The following MARCHF3 variants were observed in gnomAD, a reference collection of about 807,000 sequenced individuals.
MARCHF3 encodes membrane associated ring-CH-type finger 3, also known as E3 ubiquitin-protein ligase MARCHF3.
A neutral mutation model predicts 24.2 loss-of-function variants in MARCHF3; 13 were observed. The ratio of observed to expected loss-of-function variants is 0.54; its 90% CI spans 0.35 to 0.85. The LOEUF is 0.85. MARCHF3 is among the 40% of genes least tolerant of loss of function. The pLI is 0.01. For synonymous variants in MARCHF3, 144 were observed against 137.3 expected, an observed-to-expected ratio of 1.05 and a Z score of -0.34; for missense variants, 276 against 325.0, an observed-to-expected ratio of 0.85 and a Z score of 1.16.
chr5:126,936,181 C>T (rs1247361845), intron 1 of MARCHF3, among the ~76,000 whole-genome samples: 1 of 152,168 alleles, frequency 6.6e-6, no homozygotes, highest in African/African-American at 2.4e-5. Flanking sequence ...TATCAATAAC[C>T]TTAAGATGGC....
intron 1 of MARCHF3, among the ~76,000 whole-genome samples, chr5:127,002,744 TGGATGGC>T (rs1167635232): frequency 6.6e-6 from 1 of 152,230 alleles, no homozygotes; most frequent in Admixed American, 6.5e-5. Flanking sequence ...GTTCAGAAAG[TGGATGGC>T]CATTAGCATC....
rs932346875 is a variant in MARCHF3, at chr5:126,979,014, C to T, written c.-57+51336G>A. Among the ~76,000 whole-genome samples, 3 of 152,286 alleles carry T rather than the reference C, an allele frequency of 2.0e-5. No individual in the cohort carries two copies. The East Asian group carries it at 5.8e-4, about 29-fold the overall frequency. ...CTAAGAAAAATCCTATTATTGAAAA[C>T]TTTTGTTACCTCTATCATATTTAGA... On this transcript the variant is annotated intron_variant, in intron 1 of 4. Coordinates refer to ENST00000308660, the MANE Select transcript of MARCHF3 (RefSeq NM_178450.5).
At chr5:126,966,368 A>G (rs1372093479) in intron 1 of MARCHF3, among the ~76,000 whole-genome samples, 1 of 152,198 alleles carries the variant, frequency 6.6e-6, no homozygotes, top group Non-Finnish European at 1.5e-5. Flanking sequence ...TTTAAAAAAT[A>G]TAAGATTAGA....
At chr5:126,910,888 T>C (rs1754497353) in intron 3 of MARCHF3, among the ~76,000 whole-genome samples, 1 of 152,180 alleles carries the variant, frequency 6.6e-6, no homozygotes, top group Non-Finnish European at 1.5e-5. Context: ...ATGGGAGAAA[T>C]ATCGCTGAAT....
chr5:127,029,312 T>A (rs1753099403), intron 1 of MARCHF3, among the ~76,000 whole-genome samples: 1 of 152,258 alleles, frequency 6.6e-6, no homozygotes, highest in African/African-American at 2.4e-5. Context: ...CATTTTCATG[T>A]ATTTTCAAAG....
chr5:126,988,817 T>C (rs1470824328), intron 1 of MARCHF3, among the ~76,000 whole-genome samples: 1 of 152,196 alleles, frequency 6.6e-6, no homozygotes, highest in Admixed American at 6.5e-5. Flanking sequence ...AGACATGTTG[T>C]CCTTGGAAGG....
At chr5:126,960,333 T>C (rs1169322271) in intron 1 of MARCHF3, among the ~76,000 whole-genome samples, 2 of 152,178 alleles carry the variant, frequency 1.3e-5, no homozygotes, top group Admixed American at 1.3e-4. Flanking sequence ...GAGTTCAGGC[T>C]GTATAAATCA....
At chr5:126,995,278 T>C (rs1023259816) in intron 1 of MARCHF3, among the ~76,000 whole-genome samples, 2 of 152,208 alleles carry the variant, frequency 1.3e-5, no homozygotes, top group African/African-American at 4.8e-5. Flanking sequence ...CGTAAATCAA[T>C]TGAGCCAATG....
At chr5:126,894,674 C>T (rs1173349380) in intron 3 of MARCHF3, among the ~76,000 whole-genome samples, 1 of 152,022 alleles carries the variant, frequency 6.6e-6, no homozygotes, top group South Asian at 2.1e-4. Context: ...GTCTGATGGG[C>T]TTCCCTTTGA....
intron 1 of MARCHF3, among the ~76,000 whole-genome samples, chr5:126,951,116 C>T (rs60244211): frequency 0.016 from 2,402 of 152,308 alleles, 65 homozygotes; most frequent in South Asian, 0.11. Flanking sequence ...ATCCAACAGT[C>T]CTCATCTTAC....
rs2126761246 is a variant in MARCHF3, at chr5:126,869,013, C to G, written c.*1620G>C. ...TGGGGAGGAAATCTATTGTCACAAG[C>G]CATAAAGCACATCTGAGTTTTGCAG... On this transcript the variant is annotated 3_prime_UTR_variant, in exon 5 of 5. Transcript: ENST00000308660. The G allele has an allele frequency of 6.6e-6, 1 of 152,290 alleles. No individual in the cohort carries two copies. The highest frequency in any genetic ancestry group is 3.4e-3 in the Middle Eastern group (1 of 294). 9.4% of individuals were successfully genotyped at this position (152,290 alleles called of 1,614,324 possible). A position where few individuals can be genotyped will look rare whatever the true frequency, so the allele number is the denominator to read the frequency against.
chr5:126,874,666 T>G (rs1233545927), intron 4 of MARCHF3, among the ~76,000 whole-genome samples: 1 of 151,776 alleles, frequency 6.6e-6, no homozygotes, highest in Non-Finnish European at 1.5e-5. Flanking sequence ...TCTCTGGAAG[T>G]GGTGTGACTT....
At chr5:126,885,718 G>C (rs1048984535) in intron 3 of MARCHF3, among the ~76,000 whole-genome samples, 2 of 152,094 alleles carry the variant, frequency 1.3e-5, no homozygotes, top group Non-Finnish European at 2.9e-5. Flanking sequence ...AACTTTGTTG[G>C]CATATAAACA....
chr5:126,929,187 A>G (rs1464899468), intron 1 of MARCHF3, among the ~76,000 whole-genome samples: 8 of 152,052 alleles, frequency 5.3e-5, no homozygotes, highest in Admixed American at 5.2e-4. Context: ...CCTAATCTCC[A>G]TTTTTTAAAT....
rs567309880 is a variant in MARCHF3 at position 126,915,822 on chromosome 5, C to A, written c.189-688G>T. Reference sequence around the variant, plus strand: ...ACCACTCCTACACATTTCATAAAGGCAGCTTAGTGTAGTTAGGGGTTCATA... The same window carrying A: ...ACCACTCCTACACATTTCATAAAGGAAGCTTAGTGTAGTTAGGGGTTCATA... On this transcript the variant is annotated intron_variant, in intron 2 of 4. Transcript: ENST00000308660. Among the ~76,000 whole-genome samples the A allele has an allele frequency of 7.9e-5, 12 of 152,340 alleles. No homozygotes were observed. The South Asian group carries it at 2.5e-3, about 32-fold the overall frequency.
At chr5:126,992,689 A>ACTC (rs1751810654) in intron 1 of MARCHF3, among the ~76,000 whole-genome samples, 1 of 150,512 alleles carries the variant, frequency 6.6e-6, no homozygotes, top group African/African-American at 2.5e-5. Flanking sequence ...TTACCATAGA[A>ACTC]CTCTGACGAT....
At chr5:126,886,690 T>G (rs1452212298) in intron 3 of MARCHF3, among the ~76,000 whole-genome samples, 1 of 152,204 alleles carries the variant, frequency 6.6e-6, no homozygotes, top group Non-Finnish European at 1.5e-5. Context: ...TTACTTGATA[T>G]GTCTCCATTT....
At position 126,867,850 on chromosome 5, in the gene MARCHF3, G is replaced by A. The variant is rs1164794006; in HGVS notation, c.*2783C>T. The A allele has an allele frequency of 6.6e-6, 1 of 152,254 alleles. No individual in the cohort carries two copies. Among genetic ancestry groups the A allele is most frequent in the Non-Finnish European group, 1.5e-5 (1 of 68,062 alleles). The allele number at this position is 152,254 out of a possible 1,614,324, so 9.4% of individuals were successfully genotyped here. A position where few individuals can be genotyped will look rare whatever the true frequency, so the allele number is the denominator to read the frequency against. The stretch of plus-strand genomic sequence containing the variant: ...CGTCCTTCCCCAAATGAGCACATAT[G>A]CAGGGCAGGCAAGAGCATGCTGGAT... On this transcript the variant is annotated 3_prime_UTR_variant, in exon 5 of 5. Transcript: ENST00000308660.
chr5:126,914,828 C>T, intron 3 of MARCHF3, 102 bp downstream of exon 3: 1 of 817,190 alleles, frequency 1.2e-6, no homozygotes, highest in Non-Finnish European at 1.9e-6. Flanking sequence ...ATAGCTATTA[C>T]CGTGCTTCAG....
Sources: allele counts gnomAD v4.1 joint callset (sites outside exome capture counted in the v4.1 genomes callset), GRCh38; gene constraint gnomAD v4.1.1; transcripts MANE v1.5; gene names NCBI Gene and HGNC (gene_info 2026-07-23, HGNC 2026-07-21).